Variants in VPS13B observed in about 807,000 individuals in gnomAD.
VPS13B encodes the protein vacuolar protein sorting 13 homolog B.
A neutral mutation model predicts 426.4 loss-of-function variants in VPS13B; 285 were observed. The ratio of observed to expected loss-of-function variants is 0.67; its 90% CI spans 0.61 to 0.74. The LOEUF is 0.74. Among genes scored for constraint, VPS13B ranks in the 30% least tolerant of loss-of-function variants. The pLI, the probability that VPS13B is intolerant of heterozygous loss-of-function variation, is 0.00. For synonymous variants in VPS13B, 1,676 were observed against 1,676.4 expected (o/e 1.00, Z 0.01); for missense variants, 4,537 against 4,782.6 (o/e 0.95, Z 1.51).
At chr8:99,625,802 C>T (rs1394440855) in intron 33 of VPS13B, among the ~76,000 whole-genome samples, 1 of 152,080 alleles carries the variant, frequency 6.6e-6, no homozygotes, top group African/African-American at 2.4e-5. Flanking sequence ...GCTATGGTCA[C>T]GCCACTGTAC....
At chr8:99,512,084 C>T (rs1821820005) in intron 29 of VPS13B, among the ~76,000 whole-genome samples, 2 of 152,280 alleles carry the variant, frequency 1.3e-5, no homozygotes, top group African/African-American at 4.8e-5. Context: ...TGCTTAATTA[C>T]CAAGCTAGAA....
chr8:99,261,902 T>C (rs535681566), intron 17 of VPS13B, among the ~76,000 whole-genome samples: 196 of 152,338 alleles, frequency 1.3e-3, no homozygotes, highest in African/African-American at 4.4e-3. Flanking sequence ...GGTGGCAGAA[T>C]GTATTGCTTT....
At chr8:99,549,982 T>C (rs2133750415) in intron 30 of VPS13B, among the ~76,000 whole-genome samples, 1 of 152,230 alleles carries the variant, frequency 6.6e-6, no homozygotes, top group South Asian at 2.1e-4. Context: ...TTTTATTTTA[T>C]ACATAACCTT....
intron 3 of VPS13B, among the ~76,000 whole-genome samples, chr8:99,087,607 G>GTTT (rs1338883448): frequency 4.1e-5 from 6 of 145,506 alleles, no homozygotes; most frequent in African/African-American, 1.5e-4. Context: ...TCCACCCACT[G>GTTT]TTTTTTTGTT....
chr8:99,431,536 G>A lies in VPS13B; in HGVS notation c.3083-1G>A, dbSNP rs1563726973. 6.2e-7 allele frequency: 1 copy of A among 1,613,202 alleles called. No individual in the cohort carries two copies. ...AAATAATTAGCTATTCTCGTACTCA[G>A]AATCCCGCCCATTGTCAGTTCCTGT... On this transcript the variant is annotated splice_acceptor_variant, in intron 21 of 61. Transcript: ENST00000357162. LOFTEE classifies it high-confidence loss of function.
At chr8:99,099,010 TTC>T (rs1292179382) in intron 4 of VPS13B, among the ~76,000 whole-genome samples, 1 of 152,134 alleles carries the variant, frequency 6.6e-6, no homozygotes, top group Non-Finnish European at 1.5e-5. Flanking sequence ...ATACACTAAT[TTC>T]TCTTTTTTCC....
At chr8:99,817,118 TCTC>T (rs2130809406) in intron 44 of VPS13B, among the ~76,000 whole-genome samples, 1 of 152,108 alleles carries the variant, frequency 6.6e-6, no homozygotes, top group South Asian at 2.1e-4. Flanking sequence ...CATCCCTTCT[TCTC>T]TGGCCCCATT....
chr8:99,619,257 C>T (rs1465620566), intron 33 of VPS13B, among the ~76,000 whole-genome samples: 1 of 152,156 alleles, frequency 6.6e-6, no homozygotes, highest in East Asian at 1.9e-4. Context: ...GAAGATCACC[C>T]TTAGACCCAT....
chr8:99,044,619 C>T (rs1281147851), intron 3 of VPS13B, among the ~76,000 whole-genome samples: 5 of 151,864 alleles, frequency 3.3e-5, no homozygotes, highest in South Asian at 4.2e-4. Flanking sequence ...TACGCTGTAC[C>T]GAATTTGTGT....
chr8:99,326,046 A>G (rs909944226), intron 19 of VPS13B, among the ~76,000 whole-genome samples: 2 of 152,176 alleles, frequency 1.3e-5, no homozygotes, highest in African/African-American at 4.8e-5. Flanking sequence ...CAGTTTATTG[A>G]AAACAAAAAT....
intron 34 of VPS13B, among the ~76,000 whole-genome samples, chr8:99,657,470 T>TGTGTG (rs60760111): frequency 8.6e-4 from 127 of 147,010 alleles, no homozygotes; most frequent in Middle Eastern, 3.4e-3. Flanking sequence ...ACTTTAAAAA[T>TGTGTG]TGTGTGTGTG....
intron 19 of VPS13B, among the ~76,000 whole-genome samples, chr8:99,365,644 G>A (rs1055475074): frequency 1.3e-5 from 2 of 151,136 alleles, no homozygotes; most frequent in African/African-American, 4.9e-5. Flanking sequence ...AGCCTCCCGA[G>A]TAGCTGGGAC....
At chr8:99,062,476 TA>T (rs1423263783) in intron 3 of VPS13B, among the ~76,000 whole-genome samples, 3 of 152,210 alleles carry the variant, frequency 2.0e-5, no homozygotes, top group Non-Finnish European at 2.9e-5. Flanking sequence ...ATTATATGTT[TA>T]TTTTTTTTGA....
At chr8:99,295,621 G>T (rs1588217840) in intron 19 of VPS13B, among the ~76,000 whole-genome samples, 1 of 152,158 alleles carries the variant, frequency 6.6e-6, no homozygotes, top group African/African-American at 2.4e-5. Context: ...TAGCAACACA[G>T]TGCACTGTAG....
At chr8:99,034,792 T>G (rs1842670523) in intron 2 of VPS13B, among the ~76,000 whole-genome samples, 1 of 152,196 alleles carries the variant, frequency 6.6e-6, no homozygotes, top group Non-Finnish European at 1.5e-5. Context: ...GTTTTGTCAT[T>G]GCTTTTTGGG....
intron 36 of VPS13B, among the ~76,000 whole-genome samples, chr8:99,709,421 C>G (rs1832623821): frequency 6.6e-6 from 1 of 152,150 alleles, no homozygotes; most frequent in East Asian, 1.9e-4. Context: ...TATTAGTCTT[C>G]TGAAGGAGTA....
In VPS13B at chr8:99,779,031, G is replaced by C. The variant is rs796478997; in HGVS notation, c.7779G>C (p.Gln2593His). ...SLNTAIQAWQ[Q>H]NKCPEVEELV... is the part of the protein sequence containing the mutation. ...ACACTGCAATACAAGCTTGGCAACA[G>C]GTATGCACATTCCATAACAGTTTAC... The change falls in exon 42 of 62, where the codon CAG (glutamine) becomes CAC (histidine). Residue 2593 changes from glutamine (Q) to histidine (H), a missense_variant and splice_region_variant. By Grantham distance (24) the Gln-to-His change is conservative. This residue lies in a region of VPS13B where 4,311 missense variants were observed against 4,474.3 expected (regional missense o/e 0.96). Coordinates refer to ENST00000357162, the MANE Select transcript of VPS13B (RefSeq NM_152564.5). 7 of 1,612,516 alleles carry C rather than the reference G, an allele frequency of 4.3e-6. No individual in the cohort carries two copies. Among genetic ancestry groups the C allele is most frequent in the Non-Finnish European group, 5.9e-6 (7 of 1,179,310 alleles).
In VPS13B at chr8:99,082,267, T is replaced by A. The variant is rs200730859; in HGVS notation, c.292-14045T>A. Among the ~76,000 whole-genome samples, 3 of 152,248 alleles carry A rather than the reference T, an allele frequency of 2.0e-5. No homozygotes were observed. The East Asian group carries it at 5.8e-4, about 29-fold the overall frequency. On this transcript the variant is annotated intron_variant, in intron 3 of 61. Coordinates refer to ENST00000357162, the MANE Select transcript of VPS13B (RefSeq NM_152564.5). ...TGGCTGCATAAATGTCTTCTTTTGA[T>A]AAGTGTCTGTTCATATCCTTTGCCC...
chr8:99,087,432 C>T (rs957125366), intron 3 of VPS13B, among the ~76,000 whole-genome samples: 11 of 152,172 alleles, frequency 7.2e-5, no homozygotes, highest in Middle Eastern at 3.4e-3. Flanking sequence ...CACCCTGCTT[C>T]GGCCCACGCT....
Sources: gnomAD v4.1 joint callset for allele counts (sites outside exome capture counted in the v4.1 genomes callset) on GRCh38, gnomAD v4.1.1 for gene constraint, gnomAD v4.1.1 regional missense constraint, MANE v1.5 for transcripts, NCBI Gene and HGNC (gene_info 2026-07-23, HGNC 2026-07-21) for gene names.